The following PRUNE2 variants were observed in gnomAD, a reference collection of about 807,000 sequenced individuals.
The protein encoded by PRUNE2 is protein prune homolog 2.
In PRUNE2, 164 loss-of-function variants were observed where a neutral mutation model predicts 252.0. The ratio of observed to expected loss-of-function variants is 0.65; its 90% CI spans 0.57 to 0.74. The LOEUF (loss-of-function observed/expected upper bound fraction) is 0.74, where lower values mean the gene tolerates loss of function less well. Ranked by LOEUF, PRUNE2 falls within the 30% of genes least tolerant of loss-of-function variation. The pLI, the probability that PRUNE2 is intolerant of heterozygous loss-of-function variation, is 0.00. For missense variants in PRUNE2, 3,495 were observed against 3,711.0 expected (o/e 0.94, Z 1.51); for synonymous variants, 1,292 against 1,350.2 (o/e 0.96, Z 0.94).
intron 6 of PRUNE2, chr9:76,785,093 T>G (rs2054836785): frequency 6.6e-6 from 1 of 152,150 alleles, no homozygotes; most frequent in Admixed American, 6.6e-5. Flanking sequence ...AGCCACAGCC[T>G]CTCCCCATCC....
At chr9:76,726,475 A>G (rs2048111567) in intron 6 of PRUNE2, among the ~76,000 whole-genome samples, 1 of 152,214 alleles carries the variant, frequency 6.6e-6, no homozygotes, top group Non-Finnish European at 1.5e-5. Context: ...CCAACCAACC[A>G]AGCCTAGTTG....
At chr9:76,686,850 C>T (rs543834682) in intron 9 of PRUNE2, among the ~76,000 whole-genome samples, 39 of 152,230 alleles carry the variant, frequency 2.6e-4, no homozygotes, top group African/African-American at 9.1e-4. Flanking sequence ...CTCCCATCTT[C>T]GCCTCCTGAG....
intron 9 of PRUNE2, among the ~76,000 whole-genome samples, chr9:76,672,761 G>A (rs1285108436): frequency 4.4e-5 from 6 of 137,328 alleles, no homozygotes; most frequent in South Asian, 2.6e-4. Context: ...ACTCAAAACC[G>A]CTCAACTACA....
chr9:76,732,993 G>T (rs755205584), intron 6 of PRUNE2, among the ~76,000 whole-genome samples: 1 of 152,198 alleles, frequency 6.6e-6, no homozygotes, highest in East Asian at 1.9e-4. Flanking sequence ...TCTGCTTCTC[G>T]TCTCCATTGC....
chr9:76,729,872 G>A (rs934365524), intron 6 of PRUNE2, among the ~76,000 whole-genome samples: 2 of 151,738 alleles, frequency 1.3e-5, no homozygotes, highest in African/African-American at 4.8e-5. Flanking sequence ...TCCTTAATGT[G>A]GAATAAAAAC....
intron 15 of PRUNE2, 130 bp downstream of exon 15, chr9:76,636,341 C>G: frequency 1.6e-6 from 1 of 629,348 alleles, no homozygotes; most frequent in Non-Finnish European, 2.8e-6. Flanking sequence ...AAGCACCTTT[C>G]TAGGAAAGAC....
chr9:76,885,901 C>T (rs767767242), intron 1 of PRUNE2, among the ~76,000 whole-genome samples: 10 of 151,892 alleles, frequency 6.6e-5, no homozygotes, highest in African/African-American at 9.7e-5. Context: ...GCAATGCGGC[C>T]GGGTGCGGCG....
rs73653206 is a variant in PRUNE2, at chr9:76,777,166, A to T, written c.756+46466T>A. On this transcript the variant is annotated intron_variant, in intron 6 of 18. Transcript: ENST00000376718. ...TGGGGGAGGGCAGAGAAGGGAAGAA[A>T]TGCAATGACCCAAAGCATGTGAAAC... Among the ~76,000 whole-genome samples, 1,498 of 152,224 alleles carry T rather than the reference A, an allele frequency of 9.8e-3. 21 individuals carry two copies. Among genetic ancestry groups the T allele is most frequent in the African/African-American group, 0.034 (1,432 of 41,528 alleles).
intron 6 of PRUNE2, among the ~76,000 whole-genome samples, chr9:76,798,790 A>T (rs1030442647): frequency 5.3e-5 from 8 of 152,076 alleles, no homozygotes; most frequent in Non-Finnish European, 1.0e-4. Context: ...CTAAGAGGAG[A>T]AGGGTCCTAT....
At chr9:76,655,586 G>T in intron 9 of PRUNE2, 84 bp from the exon 10 acceptor site, 3 of 994,744 alleles carry the variant, frequency 3.0e-6, no homozygotes, top group Non-Finnish European at 4.7e-6. Flanking sequence ...CAGAGTCCAG[G>T]ATAACATTTT....
At chr9:76,655,645 G>A in intron 9 of PRUNE2, 143 bp from the exon 10 acceptor site, 1 of 627,914 alleles carries the variant, frequency 1.6e-6, no homozygotes, top group Non-Finnish European at 2.9e-6. Context: ...CACTGTAAGT[G>A]GTCCCAAATT....
chr9:76,727,455 T>C (rs1392153486), intron 6 of PRUNE2, among the ~76,000 whole-genome samples: 3 of 152,288 alleles, frequency 2.0e-5, no homozygotes, highest in East Asian at 1.9e-4. Context: ...AAAAATAACA[T>C]CTTTCCATCA....
At chr9:76,695,323 C>T (rs768688092) in intron 9 of PRUNE2, among the ~76,000 whole-genome samples, 3 of 152,182 alleles carry the variant, frequency 2.0e-5, no homozygotes, top group Non-Finnish European at 4.4e-5. Flanking sequence ...CAGGCATAAG[C>T]CAGCGCGCCC....
rs1186391758 is a variant in PRUNE2, at chr9:76,612,583, G to T, written c.*1987C>A. On this transcript the variant is annotated 3_prime_UTR_variant, in exon 19 of 19. Transcript: ENST00000376718. The stretch of plus-strand genomic sequence containing the variant: ...GCTTTCAAAAGTGGAGGTGGGCTGT[G>T]GGAGGGGGTGGGCTGTAGGGTTTTT... The T allele has an allele frequency of 3.3e-5, 5 of 152,242 alleles. No individual in the cohort carries two copies. 9.4% of individuals were successfully genotyped at this position (152,242 alleles called of 1,614,324 possible).
intron 1 of PRUNE2, among the ~76,000 whole-genome samples, chr9:76,869,866 G>C (rs1334359683): frequency 6.6e-6 from 1 of 152,164 alleles, no homozygotes; most frequent in Non-Finnish European, 1.5e-5. Flanking sequence ...TCTATGAGGA[G>C]AACTGACTTG....
rs1325639392 is a variant in PRUNE2, at chr9:76,632,123, T to A, written c.9051-2833A>T. On this transcript the variant is annotated intron_variant, in intron 15 of 18. Coordinates refer to ENST00000376718, the MANE Select transcript of PRUNE2 (RefSeq NM_015225.3). ...GATGAACATACATGTGCATGTGTCT[T>A]TACGGTAGAATGAGTTATATTCCTT... Among the ~76,000 whole-genome samples, 5 of 152,238 alleles carry A rather than the reference T, an allele frequency of 3.3e-5. No individual in the cohort carries two copies. The East Asian group carries it at 9.6e-4, about 29-fold the overall frequency.
At chr9:76,624,551 GAC>G in intron 16 of PRUNE2, 61 bp from the exon 17 acceptor site, 1 of 1,225,872 alleles carries the variant, frequency 8.2e-7, no homozygotes, top group Non-Finnish European at 1.1e-6. Context: ...CACAGCATGA[GAC>G]AGTCACTCAG....
chr9:76,826,743 T>C lies in PRUNE2; in HGVS notation c.509-11A>G, dbSNP rs1382282221. On this transcript the variant is annotated splice_polypyrimidine_tract_variant and intron_variant, in intron 4 of 18. Transcript: ENST00000376718. ...TGAAAAGAATGCTACCTGAAAGGTATGAATAAAAATGCTCTTAAAGCTTTC... is the reference window on the plus strand; with the variant it reads ...TGAAAAGAATGCTACCTGAAAGGTACGAATAAAAATGCTCTTAAAGCTTTC... 1 of 1,582,878 alleles carries C rather than the reference T, an allele frequency of 6.3e-7. No individual in the cohort carries two copies. The highest frequency in any genetic ancestry group is 1.4e-5 in the African/African-American group (1 of 73,780).
At chr9:76,717,014 A>G (rs1202500739) in intron 6 of PRUNE2, among the ~76,000 whole-genome samples, 2 of 152,158 alleles carry the variant, frequency 1.3e-5, no homozygotes, top group Non-Finnish European at 2.9e-5. Context: ...GGCTGCAGAG[A>G]CTGTATTTTC....
Sources: allele counts gnomAD v4.1 joint callset (sites outside exome capture counted in the v4.1 genomes callset), GRCh38; gene constraint gnomAD v4.1.1; transcripts MANE v1.5; gene names NCBI Gene and HGNC (gene_info 2026-07-23, HGNC 2026-07-21).